CSMD1: variants seen among roughly 807,000 people sequenced by gnomAD.
The protein encoded by CSMD1 is CUB and Sushi multiple domains 1, also known as CUB and sushi domain-containing protein 1.
CSMD1 carries 213 observed loss-of-function variants against 417.5 expected under a neutral mutation model. The ratio of observed to expected loss-of-function variants is 0.51; its 90% CI spans 0.46 to 0.57. CSMD1 has a LOEUF of 0.57. Ranked by LOEUF, CSMD1 falls within the 20% of genes least tolerant of loss-of-function variation. CSMD1 has a pLI of 0.00. For synonymous variants in CSMD1, 2,862 were observed against 1,736.8 expected, an observed-to-expected ratio of 1.65 and a Z score of -16.11; for missense variants, 6,923 against 4,529.7, an observed-to-expected ratio of 1.53 and a Z score of -15.17.
At chr8:4,641,699 C>T (rs949420430) in intron 1 of CSMD1, among the ~76,000 whole-genome samples, 1 of 152,096 alleles carries the variant, frequency 6.6e-6, no homozygotes, top group African/African-American at 2.4e-5. Context: ...CATTACAGAC[C>T]TCATGTATGG....
chr8:4,704,314 G>T (rs1055963344), intron 1 of CSMD1, among the ~76,000 whole-genome samples: 5 of 152,320 alleles, frequency 3.3e-5, no homozygotes, highest in East Asian at 3.9e-4. Context: ...TCAGCATTGA[G>T]TGTCTTACTG....
chr8:3,472,219 A>G (rs931062200), intron 11 of CSMD1, among the ~76,000 whole-genome samples: 3 of 152,120 alleles, frequency 2.0e-5, no homozygotes, highest in Middle Eastern at 3.2e-3. Flanking sequence ...ATCAAGGTGC[A>G]AGGTATGAAA....
rs182341342 is a variant in CSMD1 at position 3,493,611 on chromosome 8, G to A, written c.1448+12C>T. 11 of 1,596,972 alleles carry A rather than the reference G, an allele frequency of 6.9e-6. No individual in the cohort carries two copies. The Admixed American group carries it at 1.5e-4, about 22-fold the overall frequency. On this transcript the variant is annotated intron_variant, in intron 11 of 69. Coordinates refer to ENST00000635120, the MANE Select transcript of CSMD1 (RefSeq NM_033225.6). ...ATGCATAAGAGAAGAAGAAGCTCAA[G>A]GACATACTCACACGTACAAGACCGA... is the stretch of plus-strand genomic sequence containing the variant.
intron 2 of CSMD1, among the ~76,000 whole-genome samples, chr8:4,602,578 C>T (rs1013437894): frequency 2.6e-5 from 4 of 152,204 alleles, no homozygotes; most frequent in South Asian, 2.1e-4. Flanking sequence ...AACTCTTTAA[C>T]GTGCCTACAA....
At chr8:3,760,357 C>T (rs1010751327) in intron 5 of CSMD1, among the ~76,000 whole-genome samples, 1 of 152,122 alleles carries the variant, frequency 6.6e-6, no homozygotes, top group African/African-American at 2.4e-5. Context: ...TTTGCTTCTG[C>T]TAAGAGTTAA....
chr8:4,014,665 G>A (rs748664281), intron 4 of CSMD1, among the ~76,000 whole-genome samples: 78 of 152,176 alleles, frequency 5.1e-4, no homozygotes, highest in Non-Finnish European at 5.3e-4. Flanking sequence ...AAAAGAGCTC[G>A]TCTGAGCTGT....
intron 3 of CSMD1, among the ~76,000 whole-genome samples, chr8:4,296,806 G>T (rs1797712809): frequency 6.9e-6 from 1 of 144,994 alleles, no homozygotes; most frequent in African/African-American, 2.5e-5. Flanking sequence ...TAGAAAATGT[G>T]ATTATTGTAT....
chr8:3,190,229 A>G, intron 33 of CSMD1, 114 bp from the exon 34 acceptor site: 1 of 728,688 alleles, frequency 1.4e-6, no homozygotes, highest in East Asian at 2.7e-5. Flanking sequence ...CAGAGAATTT[A>G]ATAACGACTC....
At chr8:2,977,077 A>C (rs1380043569) in intron 55 of CSMD1, among the ~76,000 whole-genome samples, 1 of 152,074 alleles carries the variant, frequency 6.6e-6, no homozygotes, top group African/African-American at 2.4e-5. Flanking sequence ...AGAAAGAAAA[A>C]AAGATTTAAT....
chr8:3,650,208 G>T (rs1400398023), intron 7 of CSMD1, among the ~76,000 whole-genome samples: 5 of 151,890 alleles, frequency 3.3e-5, no homozygotes, highest in Non-Finnish European at 5.9e-5. Flanking sequence ...GAACCCAGAA[G>T]GCAGATTTGC....
intron 2 of CSMD1, among the ~76,000 whole-genome samples, chr8:4,595,912 A>G (rs1170030646): frequency 6.6e-6 from 1 of 152,052 alleles, no homozygotes; most frequent in African/African-American, 2.4e-5. Flanking sequence ...TCCACTCTTA[A>G]GGCCTGACTG....
intron 1 of CSMD1, among the ~76,000 whole-genome samples, chr8:4,845,253 G>T (rs1801075702): frequency 6.6e-6 from 1 of 152,058 alleles, no homozygotes; most frequent in African/African-American, 2.4e-5. Context: ...ATTTGATAAA[G>T]ACACAAGAAA....
intron 12 of CSMD1, among the ~76,000 whole-genome samples, chr8:3,454,192 G>C (rs993209540): frequency 6.6e-6 from 1 of 151,764 alleles, no homozygotes; most frequent in African/African-American, 2.4e-5. Flanking sequence ...TCTTTATTTT[G>C]AGCCTATGTG....
At chr8:3,392,494 G>C (rs1585096683) in intron 17 of CSMD1, among the ~76,000 whole-genome samples, 1 of 152,020 alleles carries the variant, frequency 6.6e-6, no homozygotes, top group Admixed American at 6.6e-5. Context: ...CTCTGTCTCT[G>C]CTTTTCTCGC....
chr8:3,027,483 G>C (rs534460654), intron 51 of CSMD1, among the ~76,000 whole-genome samples: 2 of 152,324 alleles, frequency 1.3e-5, no homozygotes, highest in African/African-American at 4.8e-5. Context: ...CACAACCTGA[G>C]CTACAGATAT....
intron 5 of CSMD1, among the ~76,000 whole-genome samples, chr8:3,885,823 T>C (rs189843413): frequency 1.0e-3 from 154 of 152,290 alleles, no homozygotes; most frequent in Non-Finnish European, 1.7e-3. Context: ...AGAATAAAAA[T>C]GTGTCTGACC....
chr8:4,232,741 C>T (rs925459015), intron 3 of CSMD1, among the ~76,000 whole-genome samples: 4 of 152,178 alleles, frequency 2.6e-5, no homozygotes, highest in African/African-American at 9.7e-5. Flanking sequence ...GTAAGATTGC[C>T]TTAATTCACT....
At chr8:4,983,617 G>A (rs1313584936) in intron 1 of CSMD1, among the ~76,000 whole-genome samples, 1 of 152,064 alleles carries the variant, frequency 6.6e-6, no homozygotes, top group Non-Finnish European at 1.5e-5. Context: ...CTGTCTCTAG[G>A]GTTCAAGCGA....
chr8:4,981,214 C>T (rs756833674), intron 1 of CSMD1, among the ~76,000 whole-genome samples: 5 of 152,156 alleles, frequency 3.3e-5, no homozygotes, highest in African/African-American at 1.2e-4. Context: ...GAAGGCAGTA[C>T]AGTGTGTCAT....
Sources: allele counts gnomAD v4.1 joint callset (sites outside exome capture counted in the v4.1 genomes callset), GRCh38; gene constraint gnomAD v4.1.1; transcripts MANE v1.5; gene names NCBI Gene and HGNC (gene_info 2026-07-23, HGNC 2026-07-21).